The following TANC2 variants were observed in gnomAD, a reference collection of about 807,000 sequenced individuals.
TANC2 encodes protein TANC2.
In TANC2, 26 loss-of-function variants were observed where a neutral mutation model predicts 210.5. That is an observed-to-expected ratio of 0.12 (90% CI 0.09 to 0.17). The LOEUF (loss-of-function observed/expected upper bound fraction) is 0.17, where lower values mean the gene tolerates loss of function less well. Ranked by LOEUF, TANC2 falls within the 10% of genes least tolerant of loss-of-function variation. The pLI is 1.00. For missense variants in TANC2, 2,129 were observed against 2,608.9 expected, an observed-to-expected ratio of 0.82 and a Z score of 4.01; for synonymous variants, 931 against 967.1, an observed-to-expected ratio of 0.96 and a Z score of 0.69.
chr17:63,149,181 G>C (rs896951856), intron 4 of TANC2: 1 of 152,094 alleles, frequency 6.6e-6, no homozygotes, highest in Admixed American at 6.5e-5. Flanking sequence ...CTGGAGAATT[G>C]TGTATTTTAG....
At chr17:63,089,533 C>T (rs558078250) in intron 3 of TANC2, among the ~76,000 whole-genome samples, 15 of 152,114 alleles carry the variant, frequency 9.9e-5, no homozygotes, top group African/African-American at 2.9e-4. Flanking sequence ...CTTTGTAGAC[C>T]GTGGTAAGGA....
rs183328499 is a variant in TANC2 at position 63,350,670 on chromosome 17, C to T, written c.1808-580C>T. Reference sequence around the variant, plus strand: ...TTAGGTATAGTCTAGGAAGCTGCTACGGTGTTGGGATCTAGCCACCTGGTT... The same window carrying T: ...TTAGGTATAGTCTAGGAAGCTGCTATGGTGTTGGGATCTAGCCACCTGGTT... On this transcript the variant is annotated intron_variant, in intron 12 of 27. Transcript: ENST00000689528. 9.4e-4 allele frequency among the ~76,000 whole-genome samples: 143 copies of T among 152,190 alleles called. No homozygotes were observed. The East Asian group carries it at 0.013, about 14-fold the overall frequency.
At chr17:63,122,771 T>C (rs7208461) in intron 4 of TANC2, among the ~76,000 whole-genome samples, 34,504 of 152,128 alleles carry the variant, frequency 0.23, 4,048 homozygotes, top group Middle Eastern at 0.26. Flanking sequence ...TATGGAAACA[T>C]AATTTACTCA....
chr17:63,394,758 T>C (rs374196971), intron 17 of TANC2, among the ~76,000 whole-genome samples: 1 of 152,254 alleles, frequency 6.6e-6, no homozygotes, highest in Non-Finnish European at 1.5e-5. Flanking sequence ...TGAAATGTTA[T>C]TTCACTTTTA....
chr17:63,107,830 T>C (rs2037886023), intron 4 of TANC2, among the ~76,000 whole-genome samples: 1 of 151,652 alleles, frequency 6.6e-6, no homozygotes, highest in Admixed American at 6.6e-5. Flanking sequence ...AACGATGGTA[T>C]AGGTAGTGAA....
intron 3 of TANC2, among the ~76,000 whole-genome samples, chr17:63,092,272 G>A (rs1192358797): frequency 2.0e-5 from 3 of 151,980 alleles, no homozygotes; most frequent in Non-Finnish European, 4.4e-5. Flanking sequence ...TCATATGGTA[G>A]GTTTACTTAC....
intron 4 of TANC2, among the ~76,000 whole-genome samples, chr17:63,135,158 G>C (rs573276002): frequency 1.3e-5 from 2 of 152,190 alleles, no homozygotes; most frequent in African/African-American, 4.8e-5. Flanking sequence ...CAAGACTGCA[G>C]TGAGCCATGC....
At chr17:63,198,741 G>A (rs1215987141) in intron 6 of TANC2, among the ~76,000 whole-genome samples, 1 of 151,232 alleles carries the variant, frequency 6.6e-6, no homozygotes, top group Non-Finnish European at 1.5e-5. Context: ...TGTGTGCCTA[G>A]TTAGGAATAA....
chr17:63,215,292 C>G (rs1484315710), intron 7 of TANC2, among the ~76,000 whole-genome samples: 1 of 152,186 alleles, frequency 6.6e-6, no homozygotes, highest in African/African-American at 2.4e-5. Flanking sequence ...ACCATTCCAT[C>G]AACCAACTTG....
chr17:63,220,296 TA>T (rs1300715584), intron 7 of TANC2, among the ~76,000 whole-genome samples: 344 of 122,906 alleles, frequency 2.8e-3, no homozygotes, highest in Middle Eastern at 4.7e-3. Context: ...CTCCGTCTCA[TA>T]AAAAAAAAAA....
intron 14 of TANC2, among the ~76,000 whole-genome samples, chr17:63,376,196 G>A (rs924976966): frequency 2.6e-5 from 4 of 151,942 alleles, no homozygotes; most frequent in Non-Finnish European, 5.9e-5. Flanking sequence ...CACTTTGGGA[G>A]GCCAAGGCGG....
At chr17:63,293,873 C>T (rs1264662366) in intron 9 of TANC2, among the ~76,000 whole-genome samples, 1 of 151,942 alleles carries the variant, frequency 6.6e-6, no homozygotes, top group Non-Finnish European at 1.5e-5. Flanking sequence ...GGACTACAGC[C>T]ACATGCCACC....
At chr17:63,141,378 C>CT (rs2039282569) in intron 4 of TANC2, among the ~76,000 whole-genome samples, 1 of 27,996 alleles carries the variant, frequency 3.6e-5, no homozygotes, top group Non-Finnish European at 7.0e-5. Flanking sequence ...CCCGTTTCTA[C>CT]TAAAAAAAAA....
At chr17:63,173,735 T>C (rs960527113) in intron 5 of TANC2, among the ~76,000 whole-genome samples, 8 of 152,208 alleles carry the variant, frequency 5.3e-5, no homozygotes, top group African/African-American at 1.9e-4. Context: ...GATCTTCACT[T>C]CATGCCCTTT....
intron 7 of TANC2, among the ~76,000 whole-genome samples, chr17:63,203,740 ACATT>A (rs753398850): frequency 6.6e-6 from 1 of 152,180 alleles, no homozygotes; most frequent in East Asian, 1.9e-4. Context: ...ATCTTAGAGC[ACATT>A]CAAAGAGCAG....
At chr17:63,194,093 T>C in exon 6 of TANC2, 1 of 1,613,416 alleles carries the variant, frequency 6.2e-7, no homozygotes, top group Middle Eastern at 1.6e-4. Flanking sequence ...GTCACAGAAG[T>C]TCAGCCAGGT....
At chr17:63,182,941 T>G (rs2040840829) in intron 5 of TANC2, 1 of 152,314 alleles carries the variant, frequency 6.6e-6, no homozygotes, top group Non-Finnish European at 1.5e-5. Flanking sequence ...TAAGGAACAT[T>G]TCTTTGAAGA....
intron 1 of TANC2, among the ~76,000 whole-genome samples, chr17:63,002,495 G>T (rs1470404930): frequency 6.6e-6 from 1 of 152,058 alleles, no homozygotes; most frequent in Non-Finnish European, 1.5e-5. Context: ...GTAATAATCT[G>T]CAGACATCTA....
chr17:63,294,031 T>A (rs1404231108), intron 9 of TANC2, among the ~76,000 whole-genome samples: 19 of 152,206 alleles, frequency 1.2e-4, no homozygotes, highest in South Asian at 2.1e-4. Context: ...ACCCAGCCCC[T>A]ACATTTTCTT....
Sources: allele counts gnomAD v4.1 joint callset (sites outside exome capture counted in the v4.1 genomes callset), GRCh38; gene constraint gnomAD v4.1.1; transcripts MANE v1.5; gene names NCBI Gene and HGNC (gene_info 2026-07-23, HGNC 2026-07-21).